Variants in MUSK observed in about 807,000 individuals in gnomAD.
MUSK encodes muscle, skeletal receptor tyrosine-protein kinase.
Under a neutral mutation model 88.7 loss-of-function variants are expected in MUSK, and 55 were observed. That is an observed-to-expected ratio of 0.62 (90% confidence interval 0.50 to 0.78). The LOEUF is 0.78. MUSK is among the 30% of genes least tolerant of loss of function. The probability of loss-of-function intolerance (pLI) is 0.00; values close to 1 mark genes in which losing one functional copy is unlikely to be tolerated. For missense variants in MUSK, 1,015 were observed against 1,074.3 expected (o/e 0.94, Z 0.77); for synonymous variants, 387 against 391.9 (o/e 0.99, Z 0.15).
chr9:110,762,382 C>T (rs951396325), intron 8 of MUSK, among the ~76,000 whole-genome samples, 174 bp downstream of exon 8: 8 of 152,062 alleles, frequency 5.3e-5, no homozygotes, highest in African/African-American at 1.9e-4. Flanking sequence ...TTGCTGAGCA[C>T]TGTAACATTT....
rs1308152879 is a variant in MUSK at position 110,801,797 on chromosome 9, T to C, written c.*809T>C. Among the ~76,000 whole-genome samples, 1 of 152,220 alleles carries C rather than the reference T, an allele frequency of 6.6e-6. No homozygotes were observed. The highest frequency in any genetic ancestry group is 2.4e-5 in the African/African-American group (1 of 41,466). On this transcript the variant is annotated 3_prime_UTR_variant, in exon 15 of 15. Transcript: ENST00000374448. ...ATCTTTTCCATTGCTTTAATCTTTA[T>C]TTCTTCTTCTTTCCAGGACTTCTGT...
intron 11 of MUSK, among the ~76,000 whole-genome samples, chr9:110,783,923 A>T (rs1269426158): frequency 6.6e-6 from 1 of 151,952 alleles, no homozygotes; most frequent in Non-Finnish European, 1.5e-5. Flanking sequence ...TTGATCAAAA[A>T]GTCATTGATT....
chr9:110,738,990 C>T (rs1008757637), intron 6 of MUSK, among the ~76,000 whole-genome samples: 20 of 152,120 alleles, frequency 1.3e-4, no homozygotes, highest in Non-Finnish European at 2.9e-5. Context: ...CTGAAAATGA[C>T]TCCCAATCAG....
intron 3 of MUSK, among the ~76,000 whole-genome samples, chr9:110,690,022 A>T (rs2076300342): frequency 1.0e-5 from 1 of 95,954 alleles, no homozygotes; most frequent in South Asian, 3.5e-4. Context: ...TATATAATAT[A>T]TATTATATAT....
intron 2 of MUSK, among the ~76,000 whole-genome samples, chr9:110,684,681 T>C (rs2076172211): frequency 1.3e-5 from 2 of 152,072 alleles, no homozygotes; most frequent in Non-Finnish European, 2.9e-5. Context: ...GTTTTCATTA[T>C]AGAGATCTTT....
chr9:110,749,181 G>A (rs1398048894), intron 7 of MUSK, among the ~76,000 whole-genome samples: 1 of 152,182 alleles, frequency 6.6e-6, no homozygotes, highest in Admixed American at 6.5e-5. Flanking sequence ...GGTAGAGTAA[G>A]AGATGAAAAG....
intron 3 of MUSK, among the ~76,000 whole-genome samples, 188 bp from the exon 4 acceptor site, chr9:110,695,215 G>C (rs182509635): frequency 7.1e-4 from 108 of 152,234 alleles, no homozygotes; most frequent in Admixed American, 6.8e-3. Flanking sequence ...AGACAACCAA[G>C]TGTTTCTAAA....
rs552832341 is a variant in MUSK, at chr9:110,768,218, C to G, written c.1184+135C>G. 9.4e-5 allele frequency: 87 copies of G among 926,230 alleles called. No individual in the cohort carries two copies. The African/African-American group carries it at 1.2e-3, about 13-fold the overall frequency. 57.4% of individuals were successfully genotyped at this position (926,230 alleles called of 1,614,324 possible). A position where few individuals can be genotyped will look rare whatever the true frequency, so the allele number is the denominator to read the frequency against. On this transcript the variant is annotated intron_variant, in intron 9 of 14. Transcript: ENST00000374448. ...TTCATCCAAAATAGGAGGTTAATGC[C>G]TGGGTGCAGTGGCTCATGCCTGTAA...
At chr9:110,773,236 G>A (rs2077608808) in intron 9 of MUSK, among the ~76,000 whole-genome samples, 1 of 152,030 alleles carries the variant, frequency 6.6e-6, no homozygotes, top group South Asian at 2.1e-4. Context: ...AAAAAGGAAT[G>A]CTTTAAGGAA....
chr9:110,701,415 T>C (rs1349668078), intron 5 of MUSK, among the ~76,000 whole-genome samples: 1 of 152,184 alleles, frequency 6.6e-6, no homozygotes. Flanking sequence ...GAAGCATGAA[T>C]CATGGAATCT....
intron 1 of MUSK, among the ~76,000 whole-genome samples, chr9:110,681,169 TTATAA>T (rs2076131359): frequency 1.1e-5 from 1 of 92,724 alleles, no homozygotes. Flanking sequence ...ATAAAAATTA[TTATAA>T]TATATATTAT....
Position 110,682,770 on chromosome 9 carries a change from T to C in MUSK, c.176T>C (p.Ile59Thr). 6.2e-7 allele frequency: 1 copy of C among 1,612,490 alleles called. No homozygotes were observed. Among genetic ancestry groups the C allele is most frequent in the African/African-American group, 1.3e-5 (1 of 74,970 alleles). Reference protein sequence around the residue: ...CAVESYPQPEISWTRNKILIK... With the variant: ...CAVESYPQPETSWTRNKILIK... The stretch of plus-strand genomic sequence containing the variant: ...GTGGAATCCTACCCCCAGCCTGAGA[T>C]TTCCTGGACTAGAAATAAAATTCTC... The change falls in exon 2 of 15, where the codon ATT (isoleucine) becomes ACT (threonine). Residue 59 changes from isoleucine to threonine, a missense_variant. Transcript: ENST00000374448.
At chr9:110,757,760 G>A (rs1413559850) in intron 7 of MUSK, among the ~76,000 whole-genome samples, 1 of 150,276 alleles carries the variant, frequency 6.7e-6, no homozygotes, top group East Asian at 2.0e-4. Flanking sequence ...TTGTCTCCTT[G>A]CTACTTTCCT....
chr9:110,800,650 G>T lies in MUSK; in HGVS notation c.2272G>T (p.Ala758Ser). 1 of 1,608,078 alleles carries T rather than the reference G, an allele frequency of 6.2e-7. No individual in the cohort carries two copies. The highest frequency in any genetic ancestry group is 8.5e-7 in the Non-Finnish European group (1 of 1,176,444). The change falls in exon 15 of 15, where the codon GCT becomes TCT. Residue 758 changes from alanine (A) to serine (S), a missense_variant. Ala to Ser is a moderately conservative substitution (Grantham distance 99). Coordinates refer to ENST00000374448, the MANE Select transcript of MUSK (RefSeq NM_005592.4). ...CATCTACTCAGCAGACTACTACAAA[G>T]CTAATGAAAACGACGCTATCCCTAT... ...RNIYSADYYK[A>S]NENDAIPIRW... is the part of the protein sequence containing the mutation.
chr9:110,730,217 T>C (rs2076945758), intron 5 of MUSK, among the ~76,000 whole-genome samples: 1 of 152,026 alleles, frequency 6.6e-6, no homozygotes, highest in Non-Finnish European at 1.5e-5. Flanking sequence ...CTTGGTCTAT[T>C]TTCCATGTTG....
rs374456998 is a variant in MUSK at position 110,668,916 on chromosome 9, C to G, written c.12C>G (p.Leu4=). The G allele has an allele frequency of 4.3e-6, 7 of 1,613,416 alleles. No homozygotes were observed. The East Asian group carries it at 8.9e-5, about 21-fold the overall frequency. MRE[L]VNIPLVHILT... is the part of the protein sequence containing the mutation. ...AGCCTGGATTAATCATGAGAGAGCT[C>G]GTCAACATTCCACTGGTACATATTC... Residue 4 remains leucine (L), a synonymous_variant, in exon 1 of 15, where the codon CTC becomes CTG. Transcript: ENST00000374448.
In MUSK at chr9:110,800,981, G is replaced by A. The variant is rs1195620547; in HGVS notation, c.2603G>A (p.Ser868Asn). Reference sequence around the variant, plus strand: ...TGTGAGAGGGCAGAGGGAACTGTGAGTGTCTAAGGTTGAAGACGTTCAAAT... The same window carrying A: ...TGTGAGAGGGCAGAGGGAACTGTGAATGTCTAAGGTTGAAGACGTTCAAAT... ...RMCERAEGTV[S>N]V The change falls in exon 15 of 15, where the codon AGT (serine) becomes AAT (asparagine). Residue 868 changes from serine (S) to asparagine (N), a missense_variant. Physicochemically the swap from Ser to Asn is conservative, Grantham distance 46. Transcript: ENST00000374448. The A allele has an allele frequency of 6.6e-7, 1 of 1,512,144 alleles. No individual in the cohort carries two copies. The highest frequency in any genetic ancestry group is 8.8e-7 in the Non-Finnish European group (1 of 1,132,858). The allele number at this position is 1,512,144 out of a possible 1,614,324, so 93.7% of individuals were successfully genotyped here. A position where few individuals can be genotyped will look rare whatever the true frequency, so the allele number is the denominator to read the frequency against.
rs1380079802 is a variant in MUSK, at chr9:110,689,759, A to G, written c.358+2491A>G. On this transcript the variant is annotated intron_variant, in intron 3 of 14. Transcript: ENST00000374448. ...TATATAATATTATATATTATATATA[A>G]ACTATATATATCACATATAGTTTAT... 5.8e-4 allele frequency among the ~76,000 whole-genome samples: 21 copies of G among 35,958 alleles called. 1 individual carries two copies. The highest frequency in any genetic ancestry group is 1.0e-3 in the Non-Finnish European group (19 of 18,854). The allele number at this position is 35,958 out of a possible 152,430, so 23.6% of individuals were successfully genotyped here.
At chr9:110,787,581 A>G in intron 13 of MUSK, 109 bp from the exon 14 acceptor site, 1 of 1,128,746 alleles carries the variant, frequency 8.9e-7, no homozygotes. Flanking sequence ...CGTGAGACTT[A>G]ACCAGCCTTT....
Sources: allele counts gnomAD v4.1 joint callset (sites outside exome capture counted in the v4.1 genomes callset), GRCh38; gene constraint gnomAD v4.1.1; transcripts MANE v1.5; gene names NCBI Gene and HGNC (gene_info 2026-07-23, HGNC 2026-07-21).